Variants in TOM1L1 observed in about 807,000 individuals in gnomAD.
TOM1L1 encodes target of myb1 like 1 membrane trafficking protein.
TOM1L1 carries 64 observed loss-of-function variants against 63.4 expected under a neutral mutation model. That is an observed-to-expected ratio of 1.01 (90% CI 0.83 to 1.24). The LOEUF (loss-of-function observed/expected upper bound fraction) is 1.24. Among genes scored for constraint, TOM1L1 ranks in the 50% most tolerant of loss-of-function variants. TOM1L1 has a pLI of 0.00. For missense variants in TOM1L1, 536 were observed against 567.0 expected (o/e 0.95, Z 0.55); for synonymous variants, 166 against 194.4 (o/e 0.85, Z 1.22).
rs370119576 is a variant in TOM1L1 at position 54,916,942 on chromosome 17, C to A, written c.720+1080C>A. 3 of 152,230 alleles carry A rather than the reference C, an allele frequency of 2.0e-5. 1 individual carries two copies. The highest frequency in any genetic ancestry group is 1.9e-4 in the East Asian group (1 of 5,178). 9.4% of individuals were successfully genotyped at this position (152,230 alleles called of 1,614,324 possible). ...AAAATTCTAGGCACAAAATTCTAGG[C>A]CTTTGAAGATACTGCTTCACTGTTC... On this transcript the variant is annotated intron_variant, in intron 7 of 15. Coordinates refer to ENST00000575882, the MANE Select transcript of TOM1L1 (RefSeq NM_005486.3).
In TOM1L1 at chr17:54,936,637, T is replaced by A; in HGVS notation, c.855-12T>A. On this transcript the variant is annotated splice_polypyrimidine_tract_variant and intron_variant, in intron 8 of 15. Transcript: ENST00000575882. ...TTTTTTAAAAACACATGCATTTTGA[T>A]CATTTAAACAGGTTTACTAGAAACC... The A allele has an allele frequency of 6.3e-7, 1 of 1,585,994 alleles. No homozygotes were observed. The highest frequency in any genetic ancestry group is 8.5e-7 in the Non-Finnish European group (1 of 1,172,430).
chr17:54,910,793 A>T (rs564747402), intron 3 of TOM1L1, among the ~76,000 whole-genome samples: 1 of 152,088 alleles, frequency 6.6e-6, no homozygotes, highest in Non-Finnish European at 1.5e-5. Context: ...GCATGTTTCT[A>T]TATTTTCTGA....
intron 7 of TOM1L1, chr17:54,917,596 G>C (rs1239103091): frequency 6.6e-6 from 1 of 151,716 alleles, no homozygotes; most frequent in African/African-American, 2.4e-5. Flanking sequence ...TATATTTAAC[G>C]CTGCTTTTTT....
intron 11 of TOM1L1, 51 bp from the exon 12 acceptor site, chr17:54,947,210 A>G: frequency 6.4e-7 from 1 of 1,572,672 alleles, no homozygotes; most frequent in African/African-American, 1.4e-5. Context: ...TACTTTTTGC[A>G]TTTGTGTTCT....
intron 3 of TOM1L1, among the ~76,000 whole-genome samples, chr17:54,907,222 G>A (rs1364502834): frequency 6.6e-6 from 1 of 150,844 alleles, no homozygotes; most frequent in Non-Finnish European, 1.5e-5. Flanking sequence ...GAAGACGGGA[G>A]AGAGGAGTGA....
chr17:54,906,732 G>A (rs895958305), intron 3 of TOM1L1: 1 of 984,096 alleles, frequency 1.0e-6, no homozygotes, highest in Non-Finnish European at 1.2e-6. Flanking sequence ...ACTCTTATTT[G>A]ATGTGTTCCC....
chr17:54,932,365 C>CT lies in TOM1L1; in HGVS notation c.854+2160dup, dbSNP rs202040614. 2.9e-3 allele frequency among the ~76,000 whole-genome samples: 435 copies of CT among 152,280 alleles called. 9 individuals carry two copies. The highest frequency in any genetic ancestry group is 0.025 in the East Asian group (129 of 5,182). On this transcript the variant is annotated intron_variant, in intron 8 of 15. Transcript: ENST00000575882. Reference sequence around the variant, plus strand: ...TGCTTTTCTCTACAATGTCTGTAATCTATAGATAACATAACTGATTAGGTC... The same window carrying CT: ...TGCTTTTCTCTACAATGTCTGTAATCTTATAGATAACATAACTGATTAGGTC...
chr17:54,954,730 T>C (rs912961576), intron 14 of TOM1L1: 2 of 152,230 alleles, frequency 1.3e-5, no homozygotes, highest in African/African-American at 4.8e-5. Context: ...TGACTGATGC[T>C]TCCTCTCCAG....
At chr17:54,916,105 A>T (rs2048584533) in intron 7 of TOM1L1, 4 of 442,320 alleles carry the variant, frequency 9.0e-6, no homozygotes, top group Non-Finnish European at 1.6e-5. Context: ...AACCTTGGTC[A>T]TGTACAATCA....
intron 7 of TOM1L1, among the ~76,000 whole-genome samples, 157 bp from the exon 8 acceptor site, chr17:54,929,916 A>G (rs569640055): frequency 1.3e-5 from 2 of 152,232 alleles, no homozygotes; most frequent in South Asian, 4.1e-4. Context: ...CTGCCTTCCA[A>G]TAGGAAGGAT....
At chr17:54,946,160 G>C (rs539059745) in intron 11 of TOM1L1, among the ~76,000 whole-genome samples, 1 of 152,272 alleles carries the variant, frequency 6.6e-6, no homozygotes, top group South Asian at 2.1e-4. Context: ...CCTGTGGTCA[G>C]TCTAAGGTGG....
In TOM1L1 at chr17:54,915,730, G is replaced by T. The variant is rs1389802814; in HGVS notation, c.604-16G>T. ...TTGTGTGTCGCACTGACTGGTGATT[G>T]TGTTGCTCTCTACAGATTGGAAAAC... On this transcript the variant is annotated splice_polypyrimidine_tract_variant and intron_variant, in intron 6 of 15. Coordinates refer to ENST00000575882, the MANE Select transcript of TOM1L1 (RefSeq NM_005486.3). 2 of 1,557,186 alleles carry T rather than the reference G, an allele frequency of 1.3e-6. No homozygotes were observed. The highest frequency in any genetic ancestry group is 1.7e-6 in the Non-Finnish European group (2 of 1,144,824).
At chr17:54,923,550 T>G (rs1179428479) in intron 7 of TOM1L1, among the ~76,000 whole-genome samples, 1 of 151,650 alleles carries the variant, frequency 6.6e-6, no homozygotes, top group Non-Finnish European at 1.5e-5. Context: ...ATTATTTTAT[T>G]TATTTATTTT....
chr17:54,914,729 T>C lies in TOM1L1; in HGVS notation c.589T>C (p.Leu197=). 1 of 1,611,892 alleles carries C rather than the reference T, an allele frequency of 6.2e-7. No individual in the cohort carries two copies. The highest frequency in any genetic ancestry group is 8.5e-7 in the Non-Finnish European group (1 of 1,178,142). The part of the protein sequence containing the change: ...VIAPKNSTVT[L]VPEQIGKLHS... ...TGCTCCAAAGAACTCGACTGTTACA[T>C]TGGTCCCAGAACAGGTAACAACAAC... The change falls in exon 6 of 16, where the codon TTG becomes CTG. Residue 197 remains leucine (L), a synonymous_variant. Transcript: ENST00000575882.
chr17:54,944,689 G>A (rs2049089666), intron 11 of TOM1L1, among the ~76,000 whole-genome samples: 1 of 152,156 alleles, frequency 6.6e-6, no homozygotes, highest in Non-Finnish European at 1.5e-5. Context: ...TGGGGCTCAT[G>A]CTTCTATTCT....
chr17:54,946,570 A>C (rs751251818), intron 11 of TOM1L1, among the ~76,000 whole-genome samples: 13 of 152,312 alleles, frequency 8.5e-5, no homozygotes, highest in Admixed American at 2.6e-4. Context: ...TTGGGTTGTG[A>C]GAAAACAGAG....
rs756362736 is a variant in TOM1L1 at position 54,936,657 on chromosome 17, G to C, written c.863G>C (p.Arg288Thr). 6.2e-7 allele frequency: 1 copy of C among 1,604,808 alleles called. No homozygotes were observed. Residue 288 changes from arginine to threonine, a missense_variant, in exon 9 of 16, where the codon AGA becomes ACA. Transcript: ENST00000575882. ...TTTGATCATTTAAACAGGTTTACTAGAAACCAACAAAGGATTTTGGAGCAA... is the reference window on the plus strand; with the variant it reads ...TTTGATCATTTAAACAGGTTTACTACAAACCAACAAAGGATTTTGGAGCAA... ...NAILGYERFT[R>T]NQQRILEQNK...
At position 54,930,003 on chromosome 17, in the gene TOM1L1, T is replaced by C. The variant is rs935056244; in HGVS notation, c.721-70T>C. On this transcript the variant is annotated intron_variant, in intron 7 of 15. Transcript: ENST00000575882. ...GGAGGTGACTGTAGGTATGCGCAGATTGGTGAGTCAGATGTCTTTATAGAA... is the reference window on the plus strand; with the variant it reads ...GGAGGTGACTGTAGGTATGCGCAGACTGGTGAGTCAGATGTCTTTATAGAA... The C allele has an allele frequency of 1.6e-5, 26 of 1,598,270 alleles. No homozygotes were observed. In the African/African-American group the frequency reaches 3.4e-4, roughly 21 times the overall value.
intron 14 of TOM1L1, chr17:54,959,571 G>A (rs964667919): frequency 6.6e-6 from 1 of 151,680 alleles, no homozygotes; most frequent in Admixed American, 6.6e-5. Context: ...AGATGGCTGA[G>A]GAGTCTGGAC....
Sources: gnomAD v4.1 joint callset for allele counts (sites outside exome capture counted in the v4.1 genomes callset) on GRCh38, gnomAD v4.1.1 for gene constraint, MANE v1.5 for transcripts, NCBI Gene and HGNC (gene_info 2026-07-23, HGNC 2026-07-21) for gene names.